Variants in MKLN1 observed in about 807,000 individuals in gnomAD.
MKLN1 encodes muskelin 1, also known as muskelin.
In MKLN1, 18 loss-of-function variants were observed where a neutral mutation model predicts 99.0. The observed-to-expected ratio is 0.18, with a 90% CI of 0.13 to 0.27. The LOEUF is 0.27. Ranked by LOEUF, MKLN1 falls within the 10% of genes least tolerant of loss-of-function variation. MKLN1 has a pLI of 1.00. For synonymous variants in MKLN1, 288 were observed against 293.2 expected (o/e 0.98, Z 0.18); for missense variants, 621 against 875.9 (o/e 0.71, Z 3.67).
Position 131,344,048 on chromosome 7 carries a change from C to T in MKLN1, c.98+16051C>T, listed in dbSNP as rs538183821. Among the ~76,000 whole-genome samples the T allele has an allele frequency of 1.9e-3, 283 of 152,142 alleles. 2 individuals are homozygous for T. Among genetic ancestry groups the T allele is most frequent in the Admixed American group, 8.3e-3 (127 of 15,288 alleles). ...CAGCAAAAAAACCCTGATTTTAAAA[C>T]GGTTTGATTCAATTTATATTTTAAA... On this transcript the variant is annotated intron_variant, in intron 1 of 17. Transcript: ENST00000352689.
At chr7:131,468,866 G>A (rs1478019745) in intron 15 of MKLN1, among the ~76,000 whole-genome samples, 1 of 152,126 alleles carries the variant, frequency 6.6e-6, no homozygotes, top group Non-Finnish European at 1.5e-5. Flanking sequence ...GTGTTGGTTA[G>A]GTTATTTCAG....
intron 12 of MKLN1, among the ~76,000 whole-genome samples, chr7:131,454,253 T>G (rs1307550745): frequency 6.6e-6 from 1 of 152,192 alleles, no homozygotes; most frequent in Non-Finnish European, 1.5e-5. Context: ...GGATTGACCA[T>G]CAACTTATTT....
chr7:131,242,922 C>T (rs777874550), intron 3 of MKLN1: 4 of 656,436 alleles, frequency 6.1e-6, no homozygotes, highest in Admixed American at 1.9e-5. Flanking sequence ...ACACAAGGCC[C>T]GATGAGAGGC....
intron 2 of MKLN1, among the ~76,000 whole-genome samples, chr7:131,376,646 A>C (rs1300288499): frequency 6.7e-6 from 1 of 150,326 alleles, no homozygotes; most frequent in Non-Finnish European, 1.5e-5. Context: ...GTCTCAAAAA[A>C]AAAAAAAAAG....
chr7:131,131,203 A>AAATAAATAAATG (rs1795546926), intron 1 of MKLN1, among the ~76,000 whole-genome samples: 1 of 149,480 alleles, frequency 6.7e-6, no homozygotes, highest in African/African-American at 2.5e-5. Context: ...TTAAATAAAT[A>AAATAAATAAATG]AATAAATAAA....
At chr7:131,444,750 GTAGTAGTAGA>G in intron 11 of MKLN1, among the ~76,000 whole-genome samples, 1 of 94,528 alleles carries the variant, frequency 1.1e-5, no homozygotes, top group Non-Finnish European at 2.2e-5. Flanking sequence ...AGTAGTAGTA[GTAGTAGTAGA>G]AGAAGTAGTA....
chr7:131,462,743 T>G (rs1346583361), intron 12 of MKLN1, among the ~76,000 whole-genome samples: 1 of 152,226 alleles, frequency 6.6e-6, no homozygotes, highest in Non-Finnish European at 1.5e-5. Context: ...TAATTGTTTA[T>G]TGTTTAGTTA....
intron 1 of MKLN1, among the ~76,000 whole-genome samples, chr7:131,335,132 G>A (rs1799214708): frequency 6.6e-6 from 1 of 152,104 alleles, no homozygotes; most frequent in Non-Finnish European, 1.5e-5. Flanking sequence ...TAATATGGGG[G>A]ACTTTTGAAG....
rs1404161268 is a variant in MKLN1 at position 131,192,086 on chromosome 7, T to A, written c.-296-10771T>A. 2.2e-4 allele frequency among the ~76,000 whole-genome samples: 18 copies of A among 81,340 alleles called. 1 individual carries two copies. Among genetic ancestry groups the A allele is most frequent in the East Asian group, 4.4e-4 (2 of 4,556 alleles). The allele number at this position is 81,340 out of a possible 152,430, so 53.4% of individuals were successfully genotyped here. A position where few individuals can be genotyped will look rare whatever the true frequency, so the allele number is the denominator to read the frequency against. ...TATATATTATATATATACATATATA[T>A]TATATATATATGTATATATATATTA... On this transcript the variant is annotated intron_variant, in intron 2 of 7. Coordinates refer to the MKLN1 transcript ENST00000416992.
chr7:131,118,900 AT>A (rs2116186913), intron 1 of MKLN1, among the ~76,000 whole-genome samples: 1 of 152,322 alleles, frequency 6.6e-6, no homozygotes, highest in South Asian at 2.1e-4. Context: ...ACAATTCAAC[AT>A]GAGTTTTGGG....
At chr7:131,363,740 T>G (rs1469763175) in intron 1 of MKLN1, among the ~76,000 whole-genome samples, 13 of 151,888 alleles carry the variant, frequency 8.6e-5, no homozygotes, top group Non-Finnish European at 1.5e-5. Context: ...ATTTTTTTCT[T>G]TTTTTGTACC....
intron 2 of MKLN1, among the ~76,000 whole-genome samples, chr7:131,196,890 A>G (rs1238862291): frequency 6.6e-6 from 1 of 152,180 alleles, no homozygotes; most frequent in Non-Finnish European, 1.5e-5. Flanking sequence ...ATATAGATGT[A>G]TACATATACA....
At chr7:131,116,099 A>T (rs1313100071) in intron 1 of MKLN1, among the ~76,000 whole-genome samples, 1 of 152,052 alleles carries the variant, frequency 6.6e-6, no homozygotes, top group African/African-American at 2.4e-5. Context: ...AGGTCAGGAG[A>T]TCGAGACCAT....
At chr7:131,214,357 T>C (rs1194490468) in intron 3 of MKLN1, among the ~76,000 whole-genome samples, 2 of 151,986 alleles carry the variant, frequency 1.3e-5, no homozygotes, top group Non-Finnish European at 2.9e-5. Context: ...TAGAGTGGGG[T>C]TGGGATGGGG....
intron 3 of MKLN1, among the ~76,000 whole-genome samples, chr7:131,256,365 C>A (rs1346704691): frequency 6.6e-6 from 1 of 152,180 alleles, no homozygotes; most frequent in Admixed American, 6.6e-5. Context: ...GTCAGTAATT[C>A]ATATCCACAT....
intron 3 of MKLN1, among the ~76,000 whole-genome samples, chr7:131,278,407 T>C (rs1385454420): frequency 6.6e-6 from 1 of 152,054 alleles, no homozygotes; most frequent in Non-Finnish European, 1.5e-5. Flanking sequence ...ATAACTATTA[T>C]TATTTAGTTT....
intron 9 of MKLN1, among the ~76,000 whole-genome samples, chr7:131,437,267 C>CTT (rs1377086283): frequency 6.6e-6 from 1 of 151,928 alleles, no homozygotes; most frequent in Non-Finnish European, 1.5e-5. Context: ...ATGTTCCCTG[C>CTT]CCTGTGTCCA....
At chr7:131,150,226 G>A (rs1795869788) in intron 2 of MKLN1, among the ~76,000 whole-genome samples, 1 of 152,092 alleles carries the variant, frequency 6.6e-6, no homozygotes, top group Non-Finnish European at 1.5e-5. Context: ...ACAAAATCTG[G>A]AATAACTCAA....
At chr7:131,192,770 G>C (rs1796587436) in intron 2 of MKLN1, among the ~76,000 whole-genome samples, 1 of 151,792 alleles carries the variant, frequency 6.6e-6, no homozygotes, top group Non-Finnish European at 1.5e-5. Context: ...TCGAACTCCT[G>C]ACCTCGTGAT....
Sources: gnomAD v4.1 joint callset for allele counts (sites outside exome capture counted in the v4.1 genomes callset) on GRCh38, gnomAD v4.1.1 for gene constraint, MANE v1.5 for transcripts, NCBI Gene and HGNC (gene_info 2026-07-23, HGNC 2026-07-21) for gene names.